The following SLC1A1 variants were observed in gnomAD, a reference collection of about 807,000 sequenced individuals.
SLC1A1 encodes solute carrier family 1 member 1.
SLC1A1 carries 43 observed loss-of-function variants against 53.3 expected under a neutral mutation model. The ratio of observed to expected loss-of-function variants is 0.81; its 90% CI spans 0.63 to 1.04. The LOEUF (loss-of-function observed/expected upper bound fraction) is 1.04. SLC1A1 is among the 50% of genes least tolerant of loss of function. The pLI is 0.00. For missense variants in SLC1A1, 748 were observed against 664.9 expected, an observed-to-expected ratio of 1.12 and a Z score of -1.37; for synonymous variants, 307 against 243.2, an observed-to-expected ratio of 1.26 and a Z score of -2.44.
At chr9:4,557,786 C>T (rs557564309) in intron 2 of SLC1A1, among the ~76,000 whole-genome samples, 19 of 152,220 alleles carry the variant, frequency 1.2e-4, no homozygotes, top group Non-Finnish European at 2.2e-4. Context: ...TACTGGGCAG[C>T]GCTAGTCTAG....
At chr9:4,505,050 T>C (rs908871548) in intron 1 of SLC1A1, among the ~76,000 whole-genome samples, 1 of 139,220 alleles carries the variant, frequency 7.2e-6, no homozygotes. Flanking sequence ...TATTTCTTTT[T>C]TTTTTTTTTT....
intron 2 of SLC1A1, among the ~76,000 whole-genome samples, chr9:4,548,351 T>C (rs1213314862): frequency 6.6e-6 from 1 of 152,152 alleles, no homozygotes; most frequent in Non-Finnish European, 1.5e-5. Flanking sequence ...ACGTATACAG[T>C]TATTAGGCCG....
At chr9:4,514,160 T>C (rs1270818324) in intron 1 of SLC1A1, among the ~76,000 whole-genome samples, 1 of 152,184 alleles carries the variant, frequency 6.6e-6, no homozygotes, top group Non-Finnish European at 1.5e-5. Flanking sequence ...AACTGTACAC[T>C]AAAATAGTCA....
intron 1 of SLC1A1, among the ~76,000 whole-genome samples, chr9:4,494,996 T>C (rs1313597700): frequency 6.6e-6 from 1 of 152,200 alleles, no homozygotes; most frequent in Non-Finnish European, 1.5e-5. Context: ...TTGTTTTCTT[T>C]GGAGCGCTAA....
chr9:4,493,449 T>C (rs974600529), intron 1 of SLC1A1, among the ~76,000 whole-genome samples: 1 of 152,228 alleles, frequency 6.6e-6, no homozygotes, highest in African/African-American at 2.4e-5. Flanking sequence ...TAGTAAGAGC[T>C]TATTTTATAA....
chr9:4,574,269 A>G (rs1820342261), intron 8 of SLC1A1, among the ~76,000 whole-genome samples: 1 of 152,066 alleles, frequency 6.6e-6, no homozygotes, highest in Non-Finnish European at 1.5e-5. Flanking sequence ...TGGTTATGTT[A>G]AAATAATTTT....
intron 1 of SLC1A1, among the ~76,000 whole-genome samples, chr9:4,535,632 C>A (rs1816646837): frequency 6.6e-6 from 1 of 152,126 alleles, no homozygotes; most frequent in South Asian, 2.1e-4. Flanking sequence ...GGCCATACTG[C>A]CCAAGGTAAT....
rs1821252188 is a variant in SLC1A1, at chr9:4,583,052, C to T, written c.1208C>T (p.Ser403Phe). Residue 403 changes from serine (S) to phenylalanine (F), a missense_variant, in exon 11 of 12, where the codon TCT (serine) becomes TTT (phenylalanine). By Grantham distance (155) the Ser-to-Phe change is radical. Transcript: ENST00000262352. The surrounding 1 kb of genome is among the most constrained non-coding windows in gnomAD (Gnocchi z 4.6). ...QIITISITAT[S>F]ASIGAAGVPQ... ...TGTTTCTGCAGTATCACGGCCACATCTGCCAGCATCGGAGCTGCTGGCGTG... is the reference window on the plus strand; with the variant it reads ...TGTTTCTGCAGTATCACGGCCACATTTGCCAGCATCGGAGCTGCTGGCGTG... 1 of 1,614,128 alleles carries T rather than the reference C, an allele frequency of 6.2e-7. No individual in the cohort carries two copies.
At chr9:4,526,140 CA>C (rs1409991918) in intron 1 of SLC1A1, among the ~76,000 whole-genome samples, 1 of 151,662 alleles carries the variant, frequency 6.6e-6, no homozygotes, top group Non-Finnish European at 1.5e-5. Context: ...AAAACAACAA[CA>C]AAAAAACTCA....
intron 1 of SLC1A1, among the ~76,000 whole-genome samples, chr9:4,532,994 T>C (rs1004572789): frequency 1.3e-5 from 2 of 152,084 alleles, no homozygotes; most frequent in African/African-American, 2.4e-5. Flanking sequence ...AATAAAATAC[T>C]TTACAGACAA....
At chr9:4,559,954 G>C (rs576078336) in intron 2 of SLC1A1, 1 of 152,238 alleles carries the variant, frequency 6.6e-6, no homozygotes, top group East Asian at 1.9e-4. Context: ...GGCAAGGCGG[G>C]ATGCCTGCCT....
At chr9:4,522,152 T>C (rs548568213) in intron 1 of SLC1A1, among the ~76,000 whole-genome samples, 7 of 150,418 alleles carry the variant, frequency 4.7e-5, no homozygotes, top group South Asian at 2.1e-4. Context: ...CCTGGGTTCG[T>C]GCCATTCTCC....
intron 6 of SLC1A1, 80 bp downstream of exon 6, chr9:4,567,847 C>T (rs1819634050): frequency 2.2e-6 from 2 of 921,498 alleles, no homozygotes; most frequent in Non-Finnish European, 3.6e-6. Flanking sequence ...AATCAATCCT[C>T]GTCATTCACA....
At chr9:4,524,238 A>G (rs1356092744) in intron 1 of SLC1A1, among the ~76,000 whole-genome samples, 2 of 152,236 alleles carry the variant, frequency 1.3e-5, no homozygotes, top group Non-Finnish European at 1.5e-5. Flanking sequence ...TTTAATATTT[A>G]CTGACTCCAT....
intron 6 of SLC1A1, among the ~76,000 whole-genome samples, chr9:4,570,088 T>C (rs935515457): frequency 2.6e-5 from 4 of 152,198 alleles, no homozygotes; most frequent in African/African-American, 2.4e-5. Context: ...TTCTGAAACA[T>C]GCTTTTTCTC....
At chr9:4,494,396 G>A (rs759638990) in intron 1 of SLC1A1, among the ~76,000 whole-genome samples, 5 of 152,050 alleles carry the variant, frequency 3.3e-5, no homozygotes, top group Non-Finnish European at 5.9e-5. Flanking sequence ...AGGTAAATCT[G>A]AATAATTTGA....
At chr9:4,507,316 G>C (rs538099114) in intron 1 of SLC1A1, among the ~76,000 whole-genome samples, 1 of 152,064 alleles carries the variant, frequency 6.6e-6, no homozygotes, top group Admixed American at 6.5e-5. Context: ...CACCATGTTT[G>C]ATTTTTTTGG....
intron 6 of SLC1A1, among the ~76,000 whole-genome samples, chr9:4,571,451 G>A (rs569950831): frequency 3.6e-4 from 55 of 152,168 alleles, no homozygotes; most frequent in African/African-American, 1.2e-3. Flanking sequence ...TGAGGTGGGC[G>A]GATCACCTGA....
At chr9:4,505,045 C>CTTTTTTTTTT (rs3038189) in intron 1 of SLC1A1, among the ~76,000 whole-genome samples, 2 of 115,022 alleles carry the variant, frequency 1.7e-5, no homozygotes, top group Admixed American at 1.0e-4. Context: ...ACATATATTT[C>CTTTTTTTTTT]TTTTTTTTTT....
Sources: allele counts gnomAD v4.1 joint callset (sites outside exome capture counted in the v4.1 genomes callset), GRCh38; gene constraint gnomAD v4.1.1; non-coding constraint Gnocchi (gnomAD v3.1); transcripts MANE v1.5; gene names NCBI Gene and HGNC (gene_info 2026-07-23, HGNC 2026-07-21).